The following PTGER3 variants were observed in gnomAD, a reference collection of about 807,000 sequenced individuals.
PTGER3 encodes the protein prostaglandin E2 receptor EP3 subtype.
Under a neutral mutation model 34.7 loss-of-function variants are expected in PTGER3, and 22 were observed. The ratio of observed to expected loss-of-function variants is 0.63; its 90% CI spans 0.45 to 0.91. The LOEUF (loss-of-function observed/expected upper bound fraction) is 0.91, where lower values mean the gene tolerates loss of function less well. Among genes scored for constraint, PTGER3 ranks in the 40% least tolerant of loss-of-function variants. The pLI is 0.00. For missense variants in PTGER3, 468 were observed against 519.4 expected (o/e 0.90, Z 0.96); for synonymous variants, 241 against 230.1 (o/e 1.05, Z -0.43).
At position 70,971,165 on chromosome 1, in the gene PTGER3, C is replaced by T. The variant is rs902479700; in HGVS notation, c.*565G>A. On this transcript the variant is annotated 3_prime_UTR_variant, in exon 4 of 4. Transcript: ENST00000306666. ...AACTTTTAGTTCCATGCTAAGCCCA[C>T]AGGGACACAACATCTCTAAAACATT... is the stretch of plus-strand genomic sequence containing the variant. 1 of 985,302 alleles carries T rather than the reference C, an allele frequency of 1.0e-6. No homozygotes were observed. Among genetic ancestry groups the T allele is most frequent in the African/African-American group, 1.7e-5 (1 of 57,226 alleles). 61.0% of individuals were successfully genotyped at this position (985,302 alleles called of 1,614,324 possible).
intron 4 of PTGER3, among the ~76,000 whole-genome samples, chr1:70,904,131 C>G (rs1445976457): frequency 6.6e-6 from 1 of 152,154 alleles, no homozygotes; most frequent in Admixed American, 6.5e-5. Flanking sequence ...CTCTCTTTGC[C>G]TGCCCGCCAT....
At position 70,933,708 on chromosome 1, in the gene PTGER3, G is replaced by T. The variant is rs897855985; in HGVS notation, c.*23+20055C>A. Among the ~76,000 whole-genome samples, 3 of 152,262 alleles carry T rather than the reference G, an allele frequency of 2.0e-5. No homozygotes were observed. The South Asian group carries it at 6.2e-4, about 32-fold the overall frequency. ...CAATTTGTCCTCTGGCAAACACTGGGAGTGAAAGCGGTTATAATCACCTAG... is the reference window on the plus strand; with the variant it reads ...CAATTTGTCCTCTGGCAAACACTGGTAGTGAAAGCGGTTATAATCACCTAG... On this transcript the variant is annotated intron_variant, in intron 4 of 4. Transcript: ENST00000370931.
chr1:70,895,036 A>T (rs1263658683), intron 4 of PTGER3, among the ~76,000 whole-genome samples: 2 of 152,192 alleles, frequency 1.3e-5, no homozygotes, highest in African/African-American at 4.8e-5. Context: ...AAGGATATCA[A>T]TCCCTGCTGT....
chr1:70,933,824 T>C (rs1243924784), intron 4 of PTGER3, among the ~76,000 whole-genome samples: 1 of 152,184 alleles, frequency 6.6e-6, no homozygotes, highest in Admixed American at 6.5e-5. Flanking sequence ...GGAAGTTTTT[T>C]TTAACTCAGA....
At chr1:71,018,474 C>G (rs1434664477) in intron 1 of PTGER3, among the ~76,000 whole-genome samples, 1 of 151,892 alleles carries the variant, frequency 6.6e-6, no homozygotes, top group East Asian at 1.9e-4. Context: ...CTTATTAATC[C>G]CTTTCCCCTC....
chr1:70,891,906 G>A (rs1040800748), intron 4 of PTGER3, among the ~76,000 whole-genome samples: 6 of 152,172 alleles, frequency 3.9e-5, no homozygotes, highest in African/African-American at 9.6e-5. Flanking sequence ...ATGAGTCTTA[G>A]GAAAAGACCT....
chr1:70,859,023 T>G (rs1645870717), intron 4 of PTGER3, among the ~76,000 whole-genome samples: 1 of 152,212 alleles, frequency 6.6e-6, no homozygotes, highest in Admixed American at 6.5e-5. Flanking sequence ...CCTTGTGTTT[T>G]TGTCCACTGC....
At position 70,971,720 on chromosome 1, in the gene PTGER3, C is replaced by T. The variant is rs189812187; in HGVS notation, c.*10G>A. 2.7e-5 allele frequency: 42 copies of T among 1,561,244 alleles called. No homozygotes were observed. Among genetic ancestry groups the T allele is most frequent in the East Asian group, 9.4e-5 (4 of 42,572 alleles). ...GGAATTGCAATAAAATGTCCAACTCCGTTCTTTCATTATCTGTTAGAATAG... is the reference window on the plus strand; with the variant it reads ...GGAATTGCAATAAAATGTCCAACTCTGTTCTTTCATTATCTGTTAGAATAG... On this transcript the variant is annotated 3_prime_UTR_variant, in exon 4 of 4. Transcript: ENST00000306666.
Position 71,001,540 on chromosome 1 carries a change from C to A in PTGER3, c.1077+10765G>T, listed in dbSNP as rs566782074. On this transcript the variant is annotated intron_variant, in intron 2 of 3. Transcript: ENST00000306666. ...TTTTTGGAGAAAAAAAGAATCTATACTTTTGAGTCTTGCTATTTTTGTCTC... is the reference window on the plus strand; with the variant it reads ...TTTTTGGAGAAAAAAAGAATCTATAATTTTGAGTCTTGCTATTTTTGTCTC... Among the ~76,000 whole-genome samples the A allele has an allele frequency of 2.0e-5, 3 of 152,042 alleles. No homozygotes were observed. The South Asian group carries it at 6.2e-4, about 32-fold the overall frequency.
At chr1:71,017,860 G>A (rs554060556) in intron 1 of PTGER3, among the ~76,000 whole-genome samples, 1 of 152,296 alleles carries the variant, frequency 6.6e-6, no homozygotes, top group East Asian at 1.9e-4. Flanking sequence ...CACTTCCTGT[G>A]TTCAAGCCAT....
chr1:70,982,462 T>C (rs930971321), intron 2 of PTGER3, among the ~76,000 whole-genome samples: 1 of 152,150 alleles, frequency 6.6e-6, no homozygotes, highest in African/African-American at 2.4e-5. Flanking sequence ...ATCTAGTGTA[T>C]GCCACCTAAT....
chr1:71,022,715 A>G (rs1009868023), intron 1 of PTGER3, among the ~76,000 whole-genome samples: 1 of 151,452 alleles, frequency 6.6e-6, no homozygotes. Flanking sequence ...ACACACACAC[A>G]CAAACACACA....
chr1:71,011,754 C>A, intron 2 of PTGER3: 2 of 984,644 alleles, frequency 2.0e-6, no homozygotes, highest in Non-Finnish European at 1.2e-6. Flanking sequence ...TTAAACTTTT[C>A]TTTAATGTAA....
chr1:70,986,255 G>A (rs1654902931), intron 2 of PTGER3, among the ~76,000 whole-genome samples: 1 of 152,048 alleles, frequency 6.6e-6, no homozygotes, highest in African/African-American at 2.4e-5. Context: ...CGACTCTCGG[G>A]GCTGCTTTTT....
chr1:71,006,604 CAAAG>C (rs1656989487), intron 2 of PTGER3: 21 of 978,788 alleles, frequency 2.1e-5, no homozygotes, highest in Non-Finnish European at 2.4e-5. Flanking sequence ...GATAATAAAA[CAAAG>C]AAACATCATG....
chr1:70,996,639 T>TTTTTTTTATTTATTTATTTA (rs774610328), intron 2 of PTGER3, among the ~76,000 whole-genome samples: 13 of 122,752 alleles, frequency 1.1e-4, no homozygotes, highest in Non-Finnish European at 1.7e-4. Flanking sequence ...TTTTTTGTAT[T>TTTTTTTTATTTATTTATTTA]TTTATTTATT....
At chr1:70,928,896 C>CTA (rs1553164349) in intron 4 of PTGER3, among the ~76,000 whole-genome samples, 22 of 145,126 alleles carry the variant, frequency 1.5e-4, no homozygotes, top group South Asian at 6.4e-4. Context: ...CACACACACA[C>CTA]TATATATATA....
At chr1:71,026,859 C>T (rs1050852714) in intron 1 of PTGER3, among the ~76,000 whole-genome samples, 1 of 151,988 alleles carries the variant, frequency 6.6e-6, no homozygotes, top group Non-Finnish European at 1.5e-5. Flanking sequence ...GTTGGTCCAA[C>T]AGCAAAGTAA....
At chr1:71,045,480 T>C (rs985870708) in intron 1 of PTGER3, among the ~76,000 whole-genome samples, 3 of 152,186 alleles carry the variant, frequency 2.0e-5, no homozygotes, top group African/African-American at 7.2e-5. Context: ...TTCTGCAACA[T>C]CTATTAACCC....
Sources: allele counts gnomAD v4.1 joint callset (sites outside exome capture counted in the v4.1 genomes callset), GRCh38; gene constraint gnomAD v4.1.1; transcripts MANE v1.5; gene names NCBI Gene and HGNC (gene_info 2026-07-23, HGNC 2026-07-21).